Variants in ZNF568 observed in about 807,000 individuals in gnomAD.
The protein encoded by ZNF568 is zinc finger protein 568.
Under a neutral mutation model 18.1 loss-of-function variants are expected in ZNF568, and 11 were observed. The observed-to-expected ratio is 0.61, with a 90% confidence interval of 0.38 to 1.00. The LOEUF is 1.00. ZNF568 is among the 50% of genes least tolerant of loss of function. ZNF568 has a pLI of 0.01. For missense variants in ZNF568, 639 were observed against 768.2 expected, an observed-to-expected ratio of 0.83 and a Z score of 1.99; for synonymous variants, 213 against 246.6, an observed-to-expected ratio of 0.86 and a Z score of 1.28.
chr19:36,978,982 C>CTTTT (rs750326116), intron 7 of ZNF568: 238 of 261,230 alleles, frequency 9.1e-4, no homozygotes, highest in South Asian at 1.7e-3. Flanking sequence ...TTGTAACTAT[C>CTTTT]TTTTTTTTTT....
chr19:36,938,629 A>T (rs919287158), intron 6 of ZNF568, among the ~76,000 whole-genome samples: 2 of 152,160 alleles, frequency 1.3e-5, no homozygotes, highest in East Asian at 3.9e-4. Context: ...CATTTGGTTG[A>T]TAGTTGGCTG....
chr19:36,922,533 A>G, intron 2 of ZNF568, 53 bp from the exon 3 acceptor site: 1 of 375,752 alleles, frequency 2.7e-6, no homozygotes, highest in East Asian at 4.2e-5. Flanking sequence ...TGGTTATCAC[A>G]GGGAGCCAGT....
intron 3 of ZNF568, chr19:36,991,509 C>T: frequency 1.5e-6 from 1 of 675,042 alleles, no homozygotes; most frequent in Non-Finnish European, 2.3e-6. Flanking sequence ...TCATTATTTT[C>T]ATACCTCCCT....
chr19:36,988,751 G>A (rs973273263), intron 2 of ZNF568, among the ~76,000 whole-genome samples: 1 of 152,006 alleles, frequency 6.6e-6, no homozygotes, highest in Non-Finnish European at 1.5e-5. Context: ...ATATTTATGG[G>A]GTACAATTTG....
At chr19:36,996,370 G>C in exon 5 of ZNF568, 1 of 1,534,712 alleles carries the variant, frequency 6.5e-7, no homozygotes, top group Admixed American at 2.0e-5. Flanking sequence ...AAACATTTAT[G>C]AAATTAGATC....
At chr19:36,981,048 A>G (rs2074327117), downstream of ZNF568, among the ~76,000 whole-genome samples, 1 of 152,218 alleles carries the variant, frequency 6.6e-6, no homozygotes, top group African/African-American at 2.4e-5. Context: ...GAGCTGGGAC[A>G]AAGGCCAGAC....
At position 36,950,394 on chromosome 19, in the gene ZNF568, G is replaced by T. The variant is rs1339423263; in HGVS notation, c.1241G>T (p.Gly414Val). 1.2e-6 allele frequency: 2 copies of T among 1,613,940 alleles called. No individual in the cohort carries two copies. Among genetic ancestry groups the T allele is most frequent in the African/African-American group, 1.3e-5 (1 of 74,914 alleles). ...ATTATACATATGAGAAGTCACACTG[G>T]TGAGAAACCCTATGTATGTAGTGAA... ...VFIIHMRSHT[G>V]EKPYVCSECG... The change falls in exon 7 of 7, where the codon GGT becomes GTT. Residue 414 changes from glycine (G) to valine (V), a missense_variant. By Grantham distance (109) the Gly-to-Val change is moderately radical (BLOSUM62 -3). Coordinates refer to ENST00000333987, the MANE Select transcript of ZNF568 (RefSeq NM_198539.4).
chr19:36,963,242 T>C (rs1343957906), intron 6 of ZNF568, among the ~76,000 whole-genome samples: 1 of 100,516 alleles, frequency 9.9e-6, no homozygotes, highest in African/African-American at 4.8e-5. Flanking sequence ...GGCTAGGTAG[T>C]ATATGGAGAT....
At chr19:36,931,330 G>A (rs2073682752) in intron 4 of ZNF568, among the ~76,000 whole-genome samples, 1 of 152,190 alleles carries the variant, frequency 6.6e-6, no homozygotes, top group Non-Finnish European at 1.5e-5. Context: ...CAGGCAGGAA[G>A]TGAAGACTCG....
chr19:36,937,212 G>A lies in ZNF568; in HGVS notation c.328G>A (p.Glu110Lys). The part of the protein sequence containing the change: ...LEQEEEPWVM[E>K]EEMFGRHCPE... ...GCAAGAAGAGGAGCCCTGGGTGATG[G>A]AGGAAGAAATGTTTGGGAGGCACTG... Residue 110 changes from glutamate to lysine, a missense_variant, in exon 6 of 7, where the codon GAG becomes AAG. Coordinates refer to ENST00000333987, the MANE Select transcript of ZNF568 (RefSeq NM_198539.4). The A allele has an allele frequency of 6.2e-7, 1 of 1,614,050 alleles. No individual in the cohort carries two copies. The highest frequency in any genetic ancestry group is 8.5e-7 in the Non-Finnish European group (1 of 1,179,924).
At position 36,950,171 on chromosome 19, in the gene ZNF568, G is replaced by A. The variant is rs1385472341; in HGVS notation, c.1018G>A (p.Gly340Arg). 3 of 1,613,822 alleles carry A rather than the reference G, an allele frequency of 1.9e-6. No homozygotes were observed. The highest frequency in any genetic ancestry group is 3.3e-5 in the Admixed American group (2 of 60,002). Residue 340 changes from glycine (G) to arginine (R), a missense_variant, in exon 7 of 7, where the codon GGG becomes AGG. Coordinates refer to ENST00000333987, the MANE Select transcript of ZNF568 (RefSeq NM_198539.4). ...GAAACCCTATGAATGTAAGGAATGT[G>A]GGAAATCCTTCAGCCAGAAGCAAAA... is the stretch of plus-strand genomic sequence containing the variant. ...GEKPYECKEC[G>R]KSFSQKQNLI... is the part of the protein sequence containing the mutation.
chr19:36,939,532 C>CTTTTTTTTTTTTTTTTTTTT (rs386388962), intron 6 of ZNF568, among the ~76,000 whole-genome samples: 1 of 93,084 alleles, frequency 1.1e-5, no homozygotes, highest in Non-Finnish European at 2.0e-5. Flanking sequence ...TATTTTCTTT[C>CTTTTTTTTTTTTTTTTTTTT]TTTTTTTTTT....
chr19:36,990,729 G>A (rs1440903532), intron 2 of ZNF568, among the ~76,000 whole-genome samples: 2 of 152,168 alleles, frequency 1.3e-5, no homozygotes, highest in Non-Finnish European at 2.9e-5. Context: ...ATTATATGAG[G>A]AATCATGCAG....
At chr19:36,945,936 A>C (rs887771011) in intron 6 of ZNF568, among the ~76,000 whole-genome samples, 7 of 151,858 alleles carry the variant, frequency 4.6e-5, no homozygotes, top group African/African-American at 1.7e-4. Flanking sequence ...AACTAAAAAA[A>C]CGCAAAAAAT....
exon 5 of ZNF568, chr19:36,996,888 G>C: frequency 6.5e-7 from 1 of 1,538,190 alleles, no homozygotes; most frequent in African/African-American, 1.4e-5. Flanking sequence ...AGTGTAGGGA[G>C]TGTGGGAAAG....
At chr19:36,995,716 T>G (rs1021347859) in intron 4 of ZNF568, among the ~76,000 whole-genome samples, 1 of 152,198 alleles carries the variant, frequency 6.6e-6, no homozygotes, top group African/African-American at 2.4e-5. Context: ...AATTATTTTC[T>G]TAGTGGTCGC....
chr19:36,936,753 T>A lies in ZNF568; in HGVS notation c.143T>A (p.Val48Glu). ...EEDTTRPLET[V>E]TFKDVAVDLT... ...AGCATTATGTTTTTACAGGAAACAG[T>A]GACATTTAAGGATGTGGCTGTTGAC... is the stretch of plus-strand genomic sequence containing the variant. The change falls in exon 5 of 7, where the codon GTG (valine) becomes GAG (glutamate). Residue 48 changes from valine to glutamate, a missense_variant. Coordinates refer to ENST00000333987, the MANE Select transcript of ZNF568 (RefSeq NM_198539.4). 4 of 1,611,522 alleles carry A rather than the reference T, an allele frequency of 2.5e-6. No homozygotes were observed. The highest frequency in any genetic ancestry group is 3.4e-6 in the Non-Finnish European group (4 of 1,178,448).
intron 2 of ZNF568, among the ~76,000 whole-genome samples, chr19:36,989,011 G>A (rs2074400649): frequency 1.3e-5 from 2 of 152,054 alleles, no homozygotes; most frequent in Non-Finnish European, 2.9e-5. Flanking sequence ...CCCCCACCCC[G>A]TCTCTGGTAA....
chr19:36,948,036 T>G lies in ZNF568; in HGVS notation c.359-1476T>G, dbSNP rs1272959163. On this transcript the variant is annotated intron_variant, in intron 6 of 6. Coordinates refer to ENST00000333987, the MANE Select transcript of ZNF568 (RefSeq NM_198539.4). The stretch of plus-strand genomic sequence containing the variant: ...ATTTACATTAGGGTCACTCCTGGTG[T>G]TGTACATTCTATGGGTTTTGGTAAA... 3.9e-5 allele frequency among the ~76,000 whole-genome samples: 6 copies of G among 152,316 alleles called. 1 individual carries two copies. Among genetic ancestry groups the G allele is most frequent in the Non-Finnish European group, 8.8e-5 (6 of 68,028 alleles).
Sources: allele counts gnomAD v4.1 joint callset (sites outside exome capture counted in the v4.1 genomes callset), GRCh38; gene constraint gnomAD v4.1.1; transcripts MANE v1.5; gene names NCBI Gene and HGNC (gene_info 2026-07-23, HGNC 2026-07-21).